The following CDH13 variants were observed in gnomAD, a reference collection of about 807,000 sequenced individuals.
The protein encoded by CDH13 is cadherin 13.
Under a neutral mutation model 63.8 loss-of-function variants are expected in CDH13, and 24 were observed. The observed-to-expected ratio is 0.38, with a 90% CI of 0.27 to 0.53. The LOEUF (loss-of-function observed/expected upper bound fraction) is 0.53, where lower values mean the gene tolerates loss of function less well. Ranked by LOEUF, CDH13 falls within the 20% of genes least tolerant of loss-of-function variation. CDH13 has a pLI of 0.85. For missense variants in CDH13, 1,049 were observed against 903.1 expected, an observed-to-expected ratio of 1.16 and a Z score of -2.07; for synonymous variants, 503 against 355.3, an observed-to-expected ratio of 1.42 and a Z score of -4.67.
At chr16:82,984,886 G>A (rs1335027767) in intron 2 of CDH13, among the ~76,000 whole-genome samples, 1 of 152,096 alleles carries the variant, frequency 6.6e-6, no homozygotes, top group African/African-American at 2.4e-5. Flanking sequence ...TATAATCACT[G>A]CTTTTACCCT....
intron 3 of CDH13, among the ~76,000 whole-genome samples, chr16:83,071,593 TC>T (rs1485667207): frequency 1.3e-5 from 2 of 152,166 alleles, no homozygotes; most frequent in East Asian, 3.9e-4. Flanking sequence ...TGTGGTCGCT[TC>T]CCCTGTGCCA....
At chr16:82,727,773 T>G (rs1469879449) in intron 1 of CDH13, 1 of 152,182 alleles carries the variant, frequency 6.6e-6, no homozygotes, top group Admixed American at 6.6e-5. Context: ...AAGTTCTTCG[T>G]CTTGGAAGAC....
chr16:82,923,233 A>G (rs768218028), intron 2 of CDH13, among the ~76,000 whole-genome samples: 1 of 152,204 alleles, frequency 6.6e-6, no homozygotes, highest in Non-Finnish European at 1.5e-5. Flanking sequence ...TTTCTGTCAC[A>G]TGGGTGTGTC....
intron 3 of CDH13, among the ~76,000 whole-genome samples, chr16:83,032,553 A>G (rs145074961): frequency 1.1e-4 from 17 of 152,228 alleles, no homozygotes; most frequent in South Asian, 2.1e-4. Context: ...TGAGACAGTC[A>G]CATCTCTCCC....
intron 6 of CDH13, among the ~76,000 whole-genome samples, chr16:83,469,276 G>T: frequency 6.6e-6 from 1 of 152,160 alleles, no homozygotes; most frequent in South Asian, 2.1e-4. Flanking sequence ...CTTATAGCAG[G>T]AGGAAGAATT....
At chr16:83,399,048 C>T (rs1304127064) in intron 6 of CDH13, among the ~76,000 whole-genome samples, 1 of 152,180 alleles carries the variant, frequency 6.6e-6, no homozygotes, top group African/African-American at 2.4e-5. Flanking sequence ...CATTCAAATG[C>T]TTTATATCCT....
At chr16:83,706,126 A>T (rs1567533571) in intron 10 of CDH13, among the ~76,000 whole-genome samples, 1 of 152,200 alleles carries the variant, frequency 6.6e-6, no homozygotes, top group Admixed American at 6.5e-5. Context: ...AGCTGATGTC[A>T]TCTGAATGCT....
intron 2 of CDH13, among the ~76,000 whole-genome samples, chr16:83,000,077 T>C (rs1912697908): frequency 6.6e-6 from 1 of 152,068 alleles, no homozygotes; most frequent in Non-Finnish European, 1.5e-5. Flanking sequence ...GTGCTGTGGC[T>C]GAAAAACCCT....
At chr16:83,625,350 C>T (rs757197562) in intron 8 of CDH13, among the ~76,000 whole-genome samples, 13 of 152,152 alleles carry the variant, frequency 8.5e-5, no homozygotes, top group Non-Finnish European at 1.9e-4. Flanking sequence ...TCCAAAGCTC[C>T]GCATGTACCC....
chr16:82,917,162 C>T (rs1011320384), intron 2 of CDH13, among the ~76,000 whole-genome samples: 5 of 152,084 alleles, frequency 3.3e-5, no homozygotes, highest in South Asian at 2.1e-4. Flanking sequence ...GAAAGGAAGA[C>T]GCTTACAAAT....
At chr16:83,519,774 G>A (rs1215970115) in intron 7 of CDH13, among the ~76,000 whole-genome samples, 1 of 152,234 alleles carries the variant, frequency 6.6e-6, no homozygotes, top group South Asian at 2.1e-4. Flanking sequence ...GCATGGCAAA[G>A]GTACAATCCT....
chr16:82,967,331 C>T (rs370221175), intron 2 of CDH13, among the ~76,000 whole-genome samples: 39 of 152,082 alleles, frequency 2.6e-4, no homozygotes, highest in African/African-American at 9.4e-4. Flanking sequence ...TAGCTCTAAT[C>T]ACAACTTGAA....
chr16:82,806,487 C>T (rs536689927), intron 1 of CDH13, among the ~76,000 whole-genome samples: 1 of 152,226 alleles, frequency 6.6e-6, no homozygotes, highest in Admixed American at 6.5e-5. Flanking sequence ...CTTGAGCTCT[C>T]TGTTTTTTGT....
intron 6 of CDH13, among the ~76,000 whole-genome samples, chr16:83,482,757 C>A (rs767057111): frequency 1.3e-5 from 2 of 152,156 alleles, no homozygotes; most frequent in African/African-American, 4.8e-5. Flanking sequence ...TGTGTGTGCA[C>A]GTGTGTGTGT....
At position 82,948,912 on chromosome 16, in the gene CDH13, G is replaced by T. The variant is rs573443985; in HGVS notation, c.158-83098G>T. ...GGAAAGACAAAGTTTACTTACTTTC[G>T]TGATATATATCTGGTCCAGACCTTG... On this transcript the variant is annotated intron_variant, in intron 2 of 13. Coordinates refer to ENST00000567109, the MANE Select transcript of CDH13 (RefSeq NM_001257.5). Among the ~76,000 whole-genome samples, 4 of 152,218 alleles carry T rather than the reference G, an allele frequency of 2.6e-5. No individual in the cohort carries two copies. The South Asian group carries it at 6.2e-4, about 24-fold the overall frequency.
intron 6 of CDH13, among the ~76,000 whole-genome samples, chr16:83,456,768 C>A (rs1362508972): frequency 1.3e-5 from 2 of 152,116 alleles, no homozygotes; most frequent in Non-Finnish European, 2.9e-5. Context: ...TCGAGACCAG[C>A]CTGGCCAATA....
chr16:83,518,224 A>G (rs2074744285), intron 7 of CDH13, among the ~76,000 whole-genome samples: 2 of 151,778 alleles, frequency 1.3e-5, no homozygotes, highest in South Asian at 4.2e-4. Flanking sequence ...GGCTCACTGC[A>G]GCTCTGCCTC....
At chr16:83,428,938 C>G (rs545427546) in intron 6 of CDH13, among the ~76,000 whole-genome samples, 1 of 152,212 alleles carries the variant, frequency 6.6e-6, no homozygotes, top group Non-Finnish European at 1.5e-5. Context: ...TAATAACCAA[C>G]TCTAGGGGTT....
At chr16:83,237,668 T>C (rs900425810) in intron 5 of CDH13, among the ~76,000 whole-genome samples, 2 of 152,238 alleles carry the variant, frequency 1.3e-5, no homozygotes, top group South Asian at 4.1e-4. Context: ...CGTGGGCCTA[T>C]GTTTTAACAC....
Sources: gnomAD v4.1 joint callset for allele counts (sites outside exome capture counted in the v4.1 genomes callset) on GRCh38, gnomAD v4.1.1 for gene constraint, MANE v1.5 for transcripts, NCBI Gene and HGNC (gene_info 2026-07-23, HGNC 2026-07-21) for gene names.